ARHGAP42: variants seen among roughly 807,000 people sequenced by gnomAD.
The protein encoded by ARHGAP42 is rho GTPase-activating protein 42.
ARHGAP42 carries 63 observed loss-of-function variants against 125.0 expected under a neutral mutation model. The ratio of observed to expected loss-of-function variants is 0.50; its 90% CI spans 0.41 to 0.62. The LOEUF is 0.62. ARHGAP42 is among the 20% of genes least tolerant of loss of function. The pLI is 0.00. For missense variants in ARHGAP42, 766 were observed against 1,024.2 expected (o/e 0.75, Z 3.44); for synonymous variants, 339 against 351.0 (o/e 0.97, Z 0.38).
chr11:100,869,941 A>G (rs1404541929), intron 4 of ARHGAP42, among the ~76,000 whole-genome samples: 1 of 152,212 alleles, frequency 6.6e-6, no homozygotes, highest in Non-Finnish European at 1.5e-5. Context: ...AGATCTTCTT[A>G]CTACATTTTT....
At chr11:100,883,195 T>C (rs1327505797) in intron 4 of ARHGAP42, among the ~76,000 whole-genome samples, 1 of 152,220 alleles carries the variant, frequency 6.6e-6, no homozygotes, top group Non-Finnish European at 1.5e-5. Context: ...ACACACAGCC[T>C]CAAGCTGGGT....
At chr11:100,732,061 A>C (rs11224417) in intron 1 of ARHGAP42, among the ~76,000 whole-genome samples, 77,883 of 151,516 alleles carry the variant, frequency 0.51, 20,626 homozygotes, top group African/African-American at 0.66. Context: ...TGGGTTCAAG[A>C]AATTCTCCTG....
intron 1 of ARHGAP42, among the ~76,000 whole-genome samples, chr11:100,694,707 C>A (rs1299284467): frequency 2.0e-5 from 3 of 152,198 alleles, no homozygotes; most frequent in African/African-American, 7.2e-5. Flanking sequence ...CAGGCTGCTT[C>A]TTGCTGACTT....
intron 2 of ARHGAP42, among the ~76,000 whole-genome samples, chr11:100,779,467 A>AATATATATAT (rs1554996405): frequency 2.3e-5 from 2 of 85,682 alleles, no homozygotes; most frequent in Non-Finnish European, 4.2e-5. Context: ...AAAAAAAAAA[A>AATATATATAT]ATATATATAT....
chr11:100,926,541 A>G (rs1867429019), intron 6 of ARHGAP42, among the ~76,000 whole-genome samples: 1 of 152,238 alleles, frequency 6.6e-6, no homozygotes, highest in Non-Finnish European at 1.5e-5. Flanking sequence ...GCAGAGACAG[A>G]AAGTATAATA....
At chr11:100,705,712 ACATGCATT>A (rs1861472234) in intron 1 of ARHGAP42, among the ~76,000 whole-genome samples, 1 of 152,148 alleles carries the variant, frequency 6.6e-6, no homozygotes, top group African/African-American at 2.4e-5. Flanking sequence ...TTACCTGGAC[ACATGCATT>A]ATATTTAATT....
intron 5 of ARHGAP42, among the ~76,000 whole-genome samples, chr11:100,914,336 C>G (rs1555023537): frequency 2.0e-5 from 3 of 152,074 alleles, no homozygotes; most frequent in Non-Finnish European, 4.4e-5. Flanking sequence ...TTGTTTCTTC[C>G]ATCTGTCTGA....
chr11:100,764,527 A>G (rs1862786269), intron 1 of ARHGAP42, among the ~76,000 whole-genome samples: 1 of 152,206 alleles, frequency 6.6e-6, no homozygotes, highest in African/African-American at 2.4e-5. Context: ...AAAGTAAGAC[A>G]TCTTGCCAAG....
rs1379822548 is a variant in ARHGAP42, at chr11:100,992,508, A to G, written c.*3707A>G. 3.1e-6 allele frequency: 5 copies of G among 1,614,106 alleles called. No individual in the cohort carries two copies. Among genetic ancestry groups the G allele is most frequent in the Non-Finnish European group, 4.2e-6 (5 of 1,179,976 alleles). On this transcript the variant is annotated 3_prime_UTR_variant, in exon 24 of 24. Coordinates refer to ENST00000298815, the MANE Select transcript of ARHGAP42 (RefSeq NM_152432.4). ...ATCAAGACACTTTTAAGAAACAAAG[A>G]TAGTTTTCTGAACATTCTGTGTCCT...
At chr11:100,970,096 C>G (rs1858200249) in intron 17 of ARHGAP42, among the ~76,000 whole-genome samples, 1 of 151,976 alleles carries the variant, frequency 6.6e-6, no homozygotes, top group African/African-American at 2.4e-5. Context: ...TCAAGTGATT[C>G]TCCTGCCTCA....
chr11:100,914,509 GAACAAC>G (rs138419731), intron 5 of ARHGAP42, among the ~76,000 whole-genome samples: 1,677 of 150,888 alleles, frequency 0.011, 22 homozygotes, highest in African/African-American at 0.034. Flanking sequence ...GTCACCTTGA[GAACAAC>G]AACAACAACA....
intron 2 of ARHGAP42, among the ~76,000 whole-genome samples, chr11:100,773,498 C>G (rs1863030626): frequency 6.6e-6 from 1 of 152,088 alleles, no homozygotes; most frequent in Non-Finnish European, 1.5e-5. Flanking sequence ...TCTGGTTGAC[C>G]CTTTACCTGT....
chr11:100,758,914 A>G (rs1009903162), intron 1 of ARHGAP42, among the ~76,000 whole-genome samples: 4 of 152,090 alleles, frequency 2.6e-5, no homozygotes, highest in Non-Finnish European at 4.4e-5. Flanking sequence ...AATTAGATCT[A>G]TTTGTGTTAG....
intron 2 of ARHGAP42, among the ~76,000 whole-genome samples, chr11:100,777,701 A>AT (rs1407374982): frequency 1.3e-5 from 2 of 152,204 alleles, no homozygotes; most frequent in Admixed American, 1.3e-4. Flanking sequence ...AAATGCAGAA[A>AT]ATGCATTCAA....
chr11:100,779,455 A>AGT (rs1320780195), intron 2 of ARHGAP42, among the ~76,000 whole-genome samples: 2 of 73,528 alleles, frequency 2.7e-5, no homozygotes, highest in Admixed American at 3.7e-4. Flanking sequence ...CAAAAAAAAA[A>AGT]AAAAAAAAAA....
intron 4 of ARHGAP42, among the ~76,000 whole-genome samples, chr11:100,877,044 G>A (rs1169935859): frequency 6.6e-6 from 1 of 152,190 alleles, no homozygotes; most frequent in Non-Finnish European, 1.5e-5. Flanking sequence ...GAAAAAACTT[G>A]CCTTATTTGG....
At chr11:100,908,732 A>G (rs757204280) in intron 4 of ARHGAP42, among the ~76,000 whole-genome samples, 103 of 152,162 alleles carry the variant, frequency 6.8e-4, no homozygotes, top group Non-Finnish European at 1.3e-3. Context: ...TTTTGATCTA[A>G]TGATTTCTTT....
At chr11:100,841,761 G>T (rs1244017049) in intron 3 of ARHGAP42, among the ~76,000 whole-genome samples, 1 of 152,130 alleles carries the variant, frequency 6.6e-6, no homozygotes, top group East Asian at 1.9e-4. Flanking sequence ...AGTAGGGGTT[G>T]GAGGCGGTTG....
At chr11:100,691,702 A>G (rs777180099) in intron 1 of ARHGAP42, among the ~76,000 whole-genome samples, 15 of 152,046 alleles carry the variant, frequency 9.9e-5, no homozygotes, top group Non-Finnish European at 1.5e-4. Context: ...TTTTTTGTAG[A>G]GTCGAGGTTT....
Sources: allele counts gnomAD v4.1 joint callset (sites outside exome capture counted in the v4.1 genomes callset), GRCh38; gene constraint gnomAD v4.1.1; transcripts MANE v1.5; gene names NCBI Gene and HGNC (gene_info 2026-07-23, HGNC 2026-07-21).